The following ANKRD36 variants were observed in gnomAD, a reference collection of about 807,000 sequenced individuals.
The protein encoded by ANKRD36 is ankyrin repeat domain-containing protein 36A.
ANKRD36 carries 179 observed loss-of-function variants against 278.1 expected under a neutral mutation model. The observed-to-expected ratio is 0.64, with a 90% confidence interval of 0.57 to 0.73. ANKRD36 has a LOEUF of 0.73. ANKRD36 is among the 30% of genes least tolerant of loss of function. ANKRD36 has a pLI of 0.00. For missense variants in ANKRD36, 1,159 were observed against 1,956.7 expected, an observed-to-expected ratio of 0.59 and a Z score of 7.69; for synonymous variants, 320 against 641.1, an observed-to-expected ratio of 0.50 and a Z score of 7.57.
At chr2:97,128,526 G>A (rs986787741) in intron 6 of ANKRD36, among the ~76,000 whole-genome samples, 1 of 151,852 alleles carries the variant, frequency 6.6e-6, no homozygotes, top group Non-Finnish European at 1.5e-5. Flanking sequence ...TTTTTGAGGT[G>A]TAATGTGGGC....
intron 1 of ANKRD36, among the ~76,000 whole-genome samples, chr2:97,114,242 T>A (rs1265881375): frequency 1.3e-5 from 1 of 77,180 alleles, no homozygotes; most frequent in Non-Finnish European, 2.5e-5. Context: ...CGGTGTGGGG[T>A]GGGGAGATGG....
chr2:97,122,259 A>G (rs2037087995), intron 3 of ANKRD36, among the ~76,000 whole-genome samples: 1 of 142,038 alleles, frequency 7.0e-6, no homozygotes, highest in Non-Finnish European at 1.6e-5. Context: ...CTCAAATGTT[A>G]ACATTCTCCA....
intron 44 of ANKRD36, among the ~76,000 whole-genome samples, 183 bp downstream of exon 44, chr2:97,198,841 A>C (rs2060516010): frequency 6.6e-6 from 1 of 151,744 alleles, no homozygotes; most frequent in Non-Finnish European, 1.5e-5. Context: ...TGATCTTCGC[A>C]GTAAGATTAT....
chr2:97,222,545 T>C (rs2068056187), intron 66 of ANKRD36, among the ~76,000 whole-genome samples: 1 of 152,126 alleles, frequency 6.6e-6, no homozygotes, highest in African/African-American at 2.4e-5. Context: ...CGATACCTCA[T>C]TGTAGCTTTG....
chr2:97,132,533 G>A (rs542519018), intron 6 of ANKRD36, among the ~76,000 whole-genome samples: 8 of 151,216 alleles, frequency 5.3e-5, no homozygotes, highest in East Asian at 3.9e-4. Flanking sequence ...AAAGGCAACC[G>A]TTAAGGAGAA....
At chr2:97,220,589 G>A (rs1296361300) in intron 66 of ANKRD36, among the ~76,000 whole-genome samples, 2 of 151,628 alleles carry the variant, frequency 1.3e-5, no homozygotes, top group Admixed American at 6.6e-5. Flanking sequence ...TCACATGGCT[G>A]AGCCGTATAT....
intron 69 of ANKRD36, among the ~76,000 whole-genome samples, chr2:97,242,502 A>G (rs1476745023): frequency 7.1e-6 from 1 of 140,776 alleles, no homozygotes; most frequent in Admixed American, 7.3e-5. Context: ...ATTGGTTATA[A>G]AGTACATACT....
intron 67 of ANKRD36, among the ~76,000 whole-genome samples, chr2:97,227,503 G>T (rs1348598347): frequency 2.0e-5 from 3 of 152,210 alleles, no homozygotes; most frequent in East Asian, 3.9e-4. Flanking sequence ...TGAAGTTGCT[G>T]ATCAGCTTAA....
chr2:97,147,889 GA>G (rs2044713635), intron 11 of ANKRD36, among the ~76,000 whole-genome samples: 1 of 151,932 alleles, frequency 6.6e-6, no homozygotes, highest in Admixed American at 6.6e-5. Flanking sequence ...GAGCTATCAA[GA>G]AAGGCATATT....
In ANKRD36 at chr2:97,219,260, T is replaced by C. The variant is rs1206120628; in HGVS notation, c.3877+14T>C. 6.4e-7 allele frequency: 1 copy of C among 1,555,478 alleles called. No individual in the cohort carries two copies. Among genetic ancestry groups the C allele is most frequent in the African/African-American group, 1.4e-5 (1 of 73,376 alleles). On this transcript the variant is annotated intron_variant, in intron 66 of 75. Coordinates refer to ENST00000420699, the MANE Select transcript of ANKRD36 (RefSeq NM_001354587.1). ...CATCCACACCAGGTAAACTTTGCAT[T>C]GTAGATTTAACTCTGGAAAGAAGTA...
At chr2:97,176,562 A>T (rs1384432912) in intron 22 of ANKRD36, among the ~76,000 whole-genome samples, 2 of 147,902 alleles carry the variant, frequency 1.4e-5, no homozygotes, top group South Asian at 2.2e-4. Flanking sequence ...ACACTGATGG[A>T]TCTTGACTCT....
chr2:97,139,433 A>T (rs900672192), intron 6 of ANKRD36, among the ~76,000 whole-genome samples: 12 of 152,074 alleles, frequency 7.9e-5, no homozygotes, highest in Non-Finnish European at 1.8e-4. Context: ...ACAGTGCACA[A>T]AATGACTGCA....
intron 42 of ANKRD36, 92 bp downstream of exon 42, chr2:97,196,880 T>A: frequency 1.3e-6 from 2 of 1,513,228 alleles, no homozygotes; most frequent in South Asian, 2.5e-5. Context: ...TCATCGAAGC[T>A]GCACTTTCTG....
intron 34 of ANKRD36, among the ~76,000 whole-genome samples, chr2:97,190,154 T>C (rs1575558315): frequency 1.1e-5 from 1 of 90,884 alleles, no homozygotes; most frequent in East Asian, 2.2e-4. Flanking sequence ...TTATGTTGAA[T>C]TCTAATTAAC....
Position 97,209,874 on chromosome 2 carries a change from T to A in ANKRD36, c.3367+2T>A, listed in dbSNP as rs1158787459. On this transcript the variant is annotated splice_donor_variant, in intron 56 of 75. Coordinates refer to ENST00000420699, the MANE Select transcript of ANKRD36 (RefSeq NM_001354587.1). LOFTEE classifies it high-confidence loss of function. ...AGGATGGAGAAAAATCTAGGACAGGTAATTTTGAAAACAGATTTAATGTCA... is the reference window on the plus strand; with the variant it reads ...AGGATGGAGAAAAATCTAGGACAGGAAATTTTGAAAACAGATTTAATGTCA... 1 of 1,574,984 alleles carries A rather than the reference T, an allele frequency of 6.3e-7. No individual in the cohort carries two copies. Among genetic ancestry groups the A allele is most frequent in the Admixed American group, 1.9e-5 (1 of 53,598 alleles).
At chr2:97,115,175 A>T (rs1264780648) in intron 1 of ANKRD36, among the ~76,000 whole-genome samples, 2 of 152,150 alleles carry the variant, frequency 1.3e-5, no homozygotes, top group Non-Finnish European at 2.9e-5. Flanking sequence ...GTGACATTTC[A>T]TATTAGTAGG....
Position 97,218,922 on chromosome 2 carries a change from C to G in ANKRD36, c.3776-128C>G, listed in dbSNP as rs1338041436. ...CATATTACTGTCCCAAAGAAACAAA[C>G]TAGAAAAATATGAAACCCTACACTA... On this transcript the variant is annotated intron_variant, in intron 64 of 75. Transcript: ENST00000420699. 5 of 1,398,552 alleles carry G rather than the reference C, an allele frequency of 3.6e-6. No individual in the cohort carries two copies. The East Asian group carries it at 1.3e-4, about 37-fold the overall frequency. The allele number at this position is 1,398,552 out of a possible 1,614,324, so 86.6% of individuals were successfully genotyped here. A position where few individuals can be genotyped will look rare whatever the true frequency, so the allele number is the denominator to read the frequency against.
chr2:97,143,644 G>A lies in ANKRD36; in HGVS notation c.901+809G>A, dbSNP rs184362553. On this transcript the variant is annotated intron_variant, in intron 8 of 75. Transcript: ENST00000420699. Reference sequence around the variant, plus strand: ...ATGAAAATAGTTTAGAGAATAACATGATCCTTCAAACCAGACTATTTTAGA... The same window carrying A: ...ATGAAAATAGTTTAGAGAATAACATAATCCTTCAAACCAGACTATTTTAGA... Among the ~76,000 whole-genome samples the A allele has an allele frequency of 9.2e-5, 14 of 152,302 alleles. No homozygotes were observed. The East Asian group carries it at 2.7e-3, about 29-fold the overall frequency.
chr2:97,202,716 G>C (rs2061729523), intron 48 of ANKRD36, among the ~76,000 whole-genome samples: 1 of 151,824 alleles, frequency 6.6e-6, no homozygotes, highest in Non-Finnish European at 1.5e-5. Flanking sequence ...AGGAGAAAGA[G>C]AGGAAGTATC....
Sources: allele counts gnomAD v4.1 joint callset (sites outside exome capture counted in the v4.1 genomes callset), GRCh38; gene constraint gnomAD v4.1.1; transcripts MANE v1.5; gene names NCBI Gene and HGNC (gene_info 2026-07-23, HGNC 2026-07-21).